The following SLC35D2 variants were observed in gnomAD, a reference collection of about 807,000 sequenced individuals.
SLC35D2 encodes the protein nucleotide sugar transporter SLC35D2.
In SLC35D2, 43 loss-of-function variants were observed where a neutral mutation model predicts 41.8. That is an observed-to-expected ratio of 1.03 (90% confidence interval 0.81 to 1.33). The LOEUF (loss-of-function observed/expected upper bound fraction) is 1.33. Among genes scored for constraint, SLC35D2 ranks in the 40% most tolerant of loss-of-function variants. The pLI is 0.00. For synonymous variants in SLC35D2, 150 were observed against 163.9 expected (o/e 0.92, Z 0.65); for missense variants, 380 against 408.4 (o/e 0.93, Z 0.60).
At chr9:96,322,159 AG>A in intron 10 of SLC35D2, 79 bp from the exon 11 acceptor site, 1 of 893,956 alleles carries the variant, frequency 1.1e-6, no homozygotes, top group East Asian at 2.4e-5. Context: ...ACCTGAAACT[AG>A]ACATTTTAGT....
chr9:96,347,693 G>A (rs1431004525), intron 6 of SLC35D2, among the ~76,000 whole-genome samples: 1 of 152,080 alleles, frequency 6.6e-6, no homozygotes, highest in Non-Finnish European at 1.5e-5. Context: ...TCTTAAATAG[G>A]AGCTGGGTAA....
intron 1 of SLC35D2, among the ~76,000 whole-genome samples, chr9:96,371,600 C>T (rs899277902): frequency 1.3e-5 from 2 of 148,862 alleles, no homozygotes; most frequent in African/African-American, 2.5e-5. Flanking sequence ...GATCTTTTAA[C>T]ACTTTTAAGA....
At position 96,383,643 on chromosome 9, in the gene SLC35D2, G is replaced by GCCCCGCGGA. The variant is rs1831305847; in HGVS notation, c.-18_-10dup. 1.9e-6 allele frequency: 2 copies of GCCCCGCGGA among 1,062,338 alleles called. No homozygotes were observed. The highest frequency in any genetic ancestry group is 3.4e-5 in the African/African-American group (2 of 58,700). 65.8% of individuals were successfully genotyped at this position (1,062,338 alleles called of 1,614,324 possible). ...TGGCCGCCGGCCGTCATCTCCTGCG[G>GCCCCGCGGA]CCCCGCGGACCCCGCCGCCCGCCAG... On this transcript the variant is annotated 5_prime_UTR_variant, in exon 1 of 12. Coordinates refer to ENST00000253270, the MANE Select transcript of SLC35D2 (RefSeq NM_007001.3).
intron 2 of SLC35D2, 51 bp from the exon 3 acceptor site, chr9:96,364,601 T>C: frequency 9.5e-7 from 1 of 1,054,394 alleles, no homozygotes; most frequent in East Asian, 2.4e-5. Flanking sequence ...CAAAGATTGC[T>C]TGAGGTACAA....
chr9:96,373,685 C>CAAA (rs11315245), intron 1 of SLC35D2, among the ~76,000 whole-genome samples: 1 of 114,200 alleles, frequency 8.8e-6, no homozygotes, highest in Non-Finnish European at 1.9e-5. Context: ...AAGACTCTCT[C>CAAA]AAAAAAAAAA....
At position 96,352,070 on chromosome 9, in the gene SLC35D2, T is replaced by C; in HGVS notation, c.387A>G (p.Pro129=). The C allele has an allele frequency of 6.2e-7, 1 of 1,612,652 alleles. No individual in the cohort carries two copies. ...MFTVLRKFTI[P]LTLLLETIIL... ...TGATGGTTTCCAGAAGTAAGGTAAGTGGAATGGTGAATTTCCTGAGCACGG... is the reference window on the plus strand; with the variant it reads ...TGATGGTTTCCAGAAGTAAGGTAAGCGGAATGGTGAATTTCCTGAGCACGG... Residue 129 remains proline, a synonymous_variant, in exon 5 of 12, where the codon CCA becomes CCG. Transcript: ENST00000253270.
rs765782976 is a variant in SLC35D2 at position 96,357,793 on chromosome 9, C to G, written c.347+2361G>C. On this transcript the variant is annotated intron_variant, in intron 4 of 11. Coordinates refer to ENST00000253270, the MANE Select transcript of SLC35D2 (RefSeq NM_007001.3). ...GTGGCTCATTTCTGTAATCCCAACA[C>G]TTTGGGAGGCTGGAGCAGGCAGACT... 1.4e-3 allele frequency among the ~76,000 whole-genome samples: 207 copies of G among 152,018 alleles called. 1 individual carries two copies. Among genetic ancestry groups the G allele is most frequent in the Non-Finnish European group, 6.5e-4 (44 of 67,996 alleles).
intron 9 of SLC35D2, among the ~76,000 whole-genome samples, chr9:96,324,549 C>CTTTTTTTTTTTTATTTTTTTTTTTTTTTT (rs1828421624): frequency 8.5e-6 from 1 of 117,780 alleles, no homozygotes; most frequent in Non-Finnish European, 1.8e-5. Flanking sequence ...GCCTGCTGCA[C>CTTTTTTTTTTTTATTTTTTTTTTTTTTTT]TTTTTTTTTT....
chr9:96,361,197 G>A (rs1253103798), intron 3 of SLC35D2, among the ~76,000 whole-genome samples: 1 of 152,216 alleles, frequency 6.6e-6, no homozygotes. Context: ...CCAGGGGCCA[G>A]CAGTTCCACT....
chr9:96,345,715 G>T (rs1230224264), intron 6 of SLC35D2, among the ~76,000 whole-genome samples: 6 of 152,180 alleles, frequency 3.9e-5, no homozygotes, highest in Admixed American at 2.0e-4. Flanking sequence ...TTCCTAAGGG[G>T]AGTGATTCGC....
chr9:96,324,226 A>G (rs1828401201), intron 9 of SLC35D2, 57 bp from the exon 10 acceptor site: 1 of 1,457,612 alleles, frequency 6.9e-7, no homozygotes, highest in African/African-American at 1.4e-5. Context: ...GTAATGACAA[A>G]TAGGTTAAGG....
chr9:96,322,830 A>G (rs967253050), intron 10 of SLC35D2, among the ~76,000 whole-genome samples: 1 of 147,142 alleles, frequency 6.8e-6, no homozygotes, highest in Non-Finnish European at 1.5e-5. Flanking sequence ...GAGATTCTCC[A>G]GTCCAGCCTC....
At chr9:96,368,340 A>G in intron 1 of SLC35D2, 35 bp from the exon 2 acceptor site, 1 of 1,574,700 alleles carries the variant, frequency 6.4e-7, no homozygotes, top group Non-Finnish European at 8.7e-7. Flanking sequence ...TCAGTTGAGC[A>G]AATATAAAAC....
At chr9:96,333,498 G>A (rs2130869868) in intron 9 of SLC35D2, among the ~76,000 whole-genome samples, 1 of 151,832 alleles carries the variant, frequency 6.6e-6, no homozygotes, top group East Asian at 2.0e-4. Flanking sequence ...AGGAGGCTGA[G>A]GCAGGAGAAT....
intron 6 of SLC35D2, among the ~76,000 whole-genome samples, chr9:96,350,347 CTTTTTT>C (rs57531044): frequency 3.2e-3 from 287 of 90,988 alleles, no homozygotes; most frequent in African/African-American, 0.013. Flanking sequence ...ATTTTCTTTC[CTTTTTT>C]TTTTTTTTTT....
chr9:96,383,699 G>T lies in SLC35D2; in HGVS notation c.-65C>A. On this transcript the variant is annotated 5_prime_UTR_variant, in exon 1 of 12. Transcript: ENST00000253270. ...GCTGCGCACTGGTCCCGCCCGGCCG[G>T]GCCGGGGAAGAGGGCGCGGCAGGAA... 1 of 948,768 alleles carries T rather than the reference G, an allele frequency of 1.1e-6. No individual in the cohort carries two copies. Among genetic ancestry groups the T allele is most frequent in the Middle Eastern group, 5.4e-4 (1 of 1,856 alleles). The allele number at this position is 948,768 out of a possible 1,614,324, so 58.8% of individuals were successfully genotyped here. A position where few individuals can be genotyped will look rare whatever the true frequency, so the allele number is the denominator to read the frequency against.
intron 1 of SLC35D2, chr9:96,374,159 C>A (rs1830832980): frequency 6.6e-6 from 1 of 152,164 alleles, no homozygotes; most frequent in African/African-American, 2.4e-5. Context: ...TCAAAGGCCC[C>A]ATTTCCAACT....
At chr9:96,375,409 C>A (rs1830899955) in intron 1 of SLC35D2, among the ~76,000 whole-genome samples, 1 of 150,970 alleles carries the variant, frequency 6.6e-6, no homozygotes. Context: ...GAAACCCCGT[C>A]TCTACTAAAA....
At chr9:96,377,508 A>T (rs1357061006) in intron 1 of SLC35D2, among the ~76,000 whole-genome samples, 2 of 152,118 alleles carry the variant, frequency 1.3e-5, no homozygotes, top group African/African-American at 4.8e-5. Flanking sequence ...TTTCAGCAAA[A>T]CCTCGAACCT....
Sources: gnomAD v4.1 joint callset for allele counts (sites outside exome capture counted in the v4.1 genomes callset) on GRCh38, gnomAD v4.1.1 for gene constraint, MANE v1.5 for transcripts, NCBI Gene and HGNC (gene_info 2026-07-23, HGNC 2026-07-21) for gene names.